ATG10: variants seen among roughly 807,000 people sequenced by gnomAD.
ATG10 encodes autophagy related 10.
In ATG10, 30 loss-of-function variants were observed where a neutral mutation model predicts 32.1. The ratio of observed to expected loss-of-function variants is 0.94; its 90% CI spans 0.70 to 1.27. ATG10 has a LOEUF of 1.27. ATG10 is among the 50% of genes most tolerant of loss of function. The pLI is 0.00. For synonymous variants in ATG10, 87 were observed against 91.5 expected, an observed-to-expected ratio of 0.95 and a Z score of 0.28; for missense variants, 233 against 262.3, an observed-to-expected ratio of 0.89 and a Z score of 0.77.
At chr5:82,128,224 G>A (rs1420426722) in intron 3 of ATG10, among the ~76,000 whole-genome samples, 1 of 121,312 alleles carries the variant, frequency 8.2e-6, no homozygotes, top group Non-Finnish European at 1.8e-5. Flanking sequence ...CACACCGATG[G>A]GTCTTGACTC....
At chr5:81,976,165 T>A (rs1235024634) in intron 1 of ATG10, 1 of 145,528 alleles carries the variant, frequency 6.9e-6, no homozygotes, top group Non-Finnish European at 1.5e-5. Context: ...CTTGCCCGGC[T>A]AATTTTTTTT....
At chr5:82,120,433 A>G (rs963706582) in intron 3 of ATG10, among the ~76,000 whole-genome samples, 4 of 152,190 alleles carry the variant, frequency 2.6e-5, no homozygotes, top group Non-Finnish European at 4.4e-5. Context: ...GAAAAAAGTC[A>G]CAAATAGATG....
chr5:82,099,584 A>G (rs919325437), intron 3 of ATG10, among the ~76,000 whole-genome samples: 1 of 152,160 alleles, frequency 6.6e-6, no homozygotes, highest in Admixed American at 6.5e-5. Context: ...CCTTTTGTTC[A>G]GAAAATAGTT....
chr5:82,177,348 A>G (rs1455595024), intron 4 of ATG10, among the ~76,000 whole-genome samples: 1 of 152,160 alleles, frequency 6.6e-6, no homozygotes, highest in Non-Finnish European at 1.5e-5. Context: ...ATTTCTACTT[A>G]TACTTGAAAG....
chr5:81,978,664 GT>G (rs1760939587), intron 1 of ATG10, among the ~76,000 whole-genome samples: 1 of 151,846 alleles, frequency 6.6e-6, no homozygotes, highest in South Asian at 2.1e-4. Flanking sequence ...TTTTTTTGTT[GT>G]TGTTTGTTTG....
chr5:82,245,392 T>G (rs1260052378), intron 5 of ATG10, among the ~76,000 whole-genome samples: 1 of 152,242 alleles, frequency 6.6e-6, no homozygotes, highest in Non-Finnish European at 1.5e-5. Context: ...TGCCTCAAAT[T>G]ACTTGTAAAT....
intron 2 of ATG10, among the ~76,000 whole-genome samples, chr5:82,016,554 C>G (rs1221415058): frequency 6.6e-6 from 1 of 152,042 alleles, no homozygotes. Context: ...CTTGCTTTAG[C>G]TATGTAGGCT....
intron 2 of ATG10, among the ~76,000 whole-genome samples, chr5:81,993,293 CTTT>C: frequency 8.5e-6 from 1 of 118,186 alleles, no homozygotes; most frequent in Non-Finnish European, 1.8e-5. Flanking sequence ...TTCTTTCCTT[CTTT>C]CTTTCCTTTC....
intron 1 of ATG10, among the ~76,000 whole-genome samples, chr5:81,982,562 T>C (rs1484972341): frequency 6.6e-6 from 1 of 152,012 alleles, no homozygotes; most frequent in African/African-American, 2.4e-5. Context: ...TTTTTCCCCT[T>C]TTATTTATTT....
chr5:82,130,673 A>C (rs1766481899), intron 3 of ATG10, among the ~76,000 whole-genome samples: 1 of 152,042 alleles, frequency 6.6e-6, no homozygotes. Context: ...CGTGGGCTGC[A>C]CCCACTGTCT....
chr5:82,157,756 C>T (rs761908405), intron 3 of ATG10, among the ~76,000 whole-genome samples: 50 of 152,138 alleles, frequency 3.3e-4, no homozygotes, highest in Non-Finnish European at 6.0e-4. Flanking sequence ...TATATTACAT[C>T]GCATCTTTCC....
intron 3 of ATG10, among the ~76,000 whole-genome samples, chr5:82,084,841 A>G (rs1259278460): frequency 6.6e-6 from 1 of 152,214 alleles, no homozygotes; most frequent in Non-Finnish European, 1.5e-5. Context: ...AGCATTAAAC[A>G]TGGAAAGGAA....
intron 3 of ATG10, among the ~76,000 whole-genome samples, chr5:82,083,220 G>A (rs1187319569): frequency 1.3e-5 from 2 of 152,186 alleles, no homozygotes; most frequent in Non-Finnish European, 2.9e-5. Context: ...CCCCTACGGA[G>A]CCTCACTCAC....
intron 3 of ATG10, among the ~76,000 whole-genome samples, chr5:82,101,620 A>G (rs1765277090): frequency 6.6e-6 from 1 of 152,188 alleles, no homozygotes; most frequent in Non-Finnish European, 1.5e-5. Context: ...AAAGAGTTAC[A>G]TTTTACTAAA....
chr5:82,199,779 T>G (rs1489030975), intron 5 of ATG10, among the ~76,000 whole-genome samples: 1 of 152,194 alleles, frequency 6.6e-6, no homozygotes, highest in Non-Finnish European at 1.5e-5. Flanking sequence ...CCATCCTTCC[T>G]CCACCCAAAT....
At chr5:82,245,600 T>A (rs941115598) in intron 5 of ATG10, among the ~76,000 whole-genome samples, 1 of 152,232 alleles carries the variant, frequency 6.6e-6, no homozygotes, top group South Asian at 2.1e-4. Context: ...TAAATCAATT[T>A]AAAATTATCA....
chr5:81,979,513 G>A (rs1007573405), intron 1 of ATG10, among the ~76,000 whole-genome samples: 2 of 152,046 alleles, frequency 1.3e-5, no homozygotes, highest in Non-Finnish European at 2.9e-5. Context: ...GGGCAACAGA[G>A]CGACACTCCG....
chr5:82,094,420 T>C (rs942853637), intron 3 of ATG10, among the ~76,000 whole-genome samples: 2 of 152,056 alleles, frequency 1.3e-5, no homozygotes, highest in Non-Finnish European at 2.9e-5. Flanking sequence ...AAATAACAAA[T>C]AATAATGATA....
intron 2 of ATG10, among the ~76,000 whole-genome samples, chr5:82,036,378 G>A (rs1337532549): frequency 3.3e-5 from 5 of 152,170 alleles, no homozygotes; most frequent in Non-Finnish European, 5.9e-5. Flanking sequence ...CAGATCACCT[G>A]ATGTCAGGAG....
Sources: allele counts gnomAD v4.1 joint callset (sites outside exome capture counted in the v4.1 genomes callset), GRCh38; gene constraint gnomAD v4.1.1; transcripts MANE v1.5; gene names NCBI Gene and HGNC (gene_info 2026-07-23, HGNC 2026-07-21).